The following VAT1L variants were observed in gnomAD, a reference collection of about 807,000 sequenced individuals.
VAT1L encodes vesicle amine transport 1 like, also known as putative NADPH-dependent quinone oxidoreductase VAT1L.
A neutral mutation model predicts 44.1 loss-of-function variants in VAT1L; 34 were observed. That is an observed-to-expected ratio of 0.77 (90% CI 0.59 to 1.03). The LOEUF is 1.03. Ranked by LOEUF, VAT1L falls within the 50% of genes least tolerant of loss-of-function variation. VAT1L has a pLI of 0.00. For missense variants in VAT1L, 615 were observed against 538.8 expected (o/e 1.14, Z -1.40); for synonymous variants, 253 against 202.2 (o/e 1.25, Z -2.13).
intron 7 of VAT1L, among the ~76,000 whole-genome samples, chr16:77,961,437 G>C (rs2018159172): frequency 6.6e-6 from 1 of 152,020 alleles, no homozygotes; most frequent in Admixed American, 6.6e-5. Context: ...CAGATCCCTG[G>C]GCCTGTTCCA....
intron 7 of VAT1L, among the ~76,000 whole-genome samples, chr16:77,927,804 G>A (rs953712855): frequency 1.3e-5 from 2 of 152,100 alleles, no homozygotes; most frequent in African/African-American, 4.8e-5. Flanking sequence ...GGGAGGTGGA[G>A]GTTACAGTGA....
At chr16:77,975,822 C>A (rs1466810808) in intron 8 of VAT1L, among the ~76,000 whole-genome samples, 1 of 152,222 alleles carries the variant, frequency 6.6e-6, no homozygotes, top group East Asian at 1.9e-4. Flanking sequence ...GCGGGCAGCC[C>A]TGCCCCAGTC....
At chr16:77,922,802 G>T (rs1272331750) in intron 7 of VAT1L, among the ~76,000 whole-genome samples, 4 of 152,152 alleles carry the variant, frequency 2.6e-5, no homozygotes, top group Admixed American at 2.0e-4. Flanking sequence ...ATGGAGCCAG[G>T]ATTTAAACCT....
chr16:77,829,069 T>G (rs570490172), intron 3 of VAT1L, among the ~76,000 whole-genome samples: 1 of 152,314 alleles, frequency 6.6e-6, no homozygotes, highest in East Asian at 1.9e-4. Context: ...AGTAGCGAAT[T>G]GCAGAACTAC....
chr16:77,932,344 A>T (rs1052113977), intron 7 of VAT1L, among the ~76,000 whole-genome samples: 1 of 152,058 alleles, frequency 6.6e-6, no homozygotes, highest in East Asian at 1.9e-4. Context: ...TGACCTCATG[A>T]TCCTCCCGCC....
At chr16:77,965,322 T>C (rs775538775) in intron 7 of VAT1L, among the ~76,000 whole-genome samples, 1 of 152,208 alleles carries the variant, frequency 6.6e-6, no homozygotes, top group Non-Finnish European at 1.5e-5. Context: ...GTTGTTAGAA[T>C]GATATTACCA....
chr16:77,890,191 G>T (rs1252991304), intron 7 of VAT1L, among the ~76,000 whole-genome samples: 1 of 152,040 alleles, frequency 6.6e-6, no homozygotes, highest in East Asian at 1.9e-4. Context: ...TGACACTGGA[G>T]TTACCAGAAA....
intron 1 of VAT1L, among the ~76,000 whole-genome samples, chr16:77,813,738 G>A (rs1411943240): frequency 1.3e-5 from 2 of 152,134 alleles, no homozygotes; most frequent in African/African-American, 4.8e-5. Context: ...TTCTCTTGAT[G>A]TGTGTTTCCC....
Position 77,879,490 on chromosome 16 carries a change from C to T in VAT1L, c.882+266C>T, listed in dbSNP as rs554135316. 2.1e-4 allele frequency among the ~76,000 whole-genome samples: 32 copies of T among 152,244 alleles called. No individual in the cohort carries two copies. The highest frequency in any genetic ancestry group is 3.4e-4 in the African/African-American group (14 of 41,558). On this transcript the variant is annotated intron_variant, in intron 6 of 8. Coordinates refer to ENST00000302536, the MANE Select transcript of VAT1L (RefSeq NM_020927.3). The surrounding 1 kb of genome is among the most constrained non-coding windows in gnomAD (Gnocchi z 4.1). The stretch of plus-strand genomic sequence containing the variant: ...ATTTGTAGTAGAGACGGGGTTTCAC[C>T]GTGTTGGCCAGGATGGTCTCAATCT...
intron 7 of VAT1L, among the ~76,000 whole-genome samples, chr16:77,916,770 A>T (rs2017556361): frequency 6.6e-6 from 1 of 150,494 alleles, no homozygotes. Context: ...TCCTACAGGG[A>T]GCCTCCTTAT....
At chr16:77,804,475 G>T (rs1293182839) in intron 1 of VAT1L, among the ~76,000 whole-genome samples, 1 of 152,104 alleles carries the variant, frequency 6.6e-6, no homozygotes, top group African/African-American at 2.4e-5. Flanking sequence ...TACTACTGAG[G>T]TGTGTTTTGA....
intron 7 of VAT1L, among the ~76,000 whole-genome samples, chr16:77,966,752 G>A (rs591738): frequency 0.98 from 149,077 of 152,230 alleles, 73,067 homozygotes; most frequent in Middle Eastern, 1. Flanking sequence ...CTTTTTTATG[G>A]TGATTAAGTC....
In VAT1L at chr16:77,884,600, C is replaced by G. The variant is rs1432720046; in HGVS notation, c.883-8C>G. 3 of 1,612,046 alleles carry G rather than the reference C, an allele frequency of 1.9e-6. No individual in the cohort carries two copies. The Middle Eastern group carries it at 5.2e-4, about 277-fold the overall frequency. ...GTTCCTATAACCCAATACCACCTCTCTTTGCAGTGGTGGCAGGTGGAGAAG... is the reference window on the plus strand; with the variant it reads ...GTTCCTATAACCCAATACCACCTCTGTTTGCAGTGGTGGCAGGTGGAGAAG... On this transcript the variant is annotated splice_region_variant and splice_polypyrimidine_tract_variant and intron_variant, in intron 6 of 8. Coordinates refer to ENST00000302536, the MANE Select transcript of VAT1L (RefSeq NM_020927.3). This position sits in a 1 kb window ranked among gnomAD's most constrained non-coding sequence, Gnocchi z 4.5.
intron 4 of VAT1L, among the ~76,000 whole-genome samples, chr16:77,871,197 CT>C (rs1434945828): frequency 6.6e-6 from 1 of 152,164 alleles, no homozygotes; most frequent in Non-Finnish European, 1.5e-5. Context: ...CTCTGCCCAA[CT>C]TCTCCCCCTC....
rs1373281105 is a variant in VAT1L at position 77,957,747 on chromosome 16, A to G, written c.1078-14103A>G. ...TCAAAAAAATAAAATAAATAAAACA[A>G]TTATATATAATTATAATTATATTAA... On this transcript the variant is annotated intron_variant, in intron 7 of 8. Transcript: ENST00000302536. Among the ~76,000 whole-genome samples the G allele has an allele frequency of 2.0e-5, 3 of 148,720 alleles. No individual in the cohort carries two copies. The East Asian group carries it at 5.8e-4, about 29-fold the overall frequency.
chr16:77,979,734 C>G lies in VAT1L; in HGVS notation c.*2039C>G, dbSNP rs2018379819. The G allele has an allele frequency of 6.6e-6, 1 of 152,616 alleles. No individual in the cohort carries two copies. Among genetic ancestry groups the G allele is most frequent in the Admixed American group, 6.5e-5 (1 of 15,286 alleles). 9.5% of individuals were successfully genotyped at this position (152,616 alleles called of 1,614,324 possible). Reference sequence around the variant, plus strand: ...GTTTTATTTAACTAGCAAAGTTAATCCAGTAATCGCAAATTACTCCAGATG... The same window carrying G: ...GTTTTATTTAACTAGCAAAGTTAATGCAGTAATCGCAAATTACTCCAGATG... On this transcript the variant is annotated 3_prime_UTR_variant, in exon 9 of 9. Transcript: ENST00000302536.
At chr16:77,836,397 G>C (rs2016639301) in intron 3 of VAT1L, among the ~76,000 whole-genome samples, 1 of 152,088 alleles carries the variant, frequency 6.6e-6, no homozygotes, top group South Asian at 2.1e-4. Flanking sequence ...AATTTAAAGA[G>C]AACTAAATGG....
At chr16:77,790,436 G>A (rs1407366855) in intron 1 of VAT1L, among the ~76,000 whole-genome samples, 1 of 152,126 alleles carries the variant, frequency 6.6e-6, no homozygotes, top group African/African-American at 2.4e-5. Context: ...TTGGCCCACT[G>A]CACATCCTAA....
At chr16:77,880,344 G>C (rs1019510558) in intron 6 of VAT1L, among the ~76,000 whole-genome samples, 4 of 152,038 alleles carry the variant, frequency 2.6e-5, no homozygotes, top group Non-Finnish European at 1.5e-5. Context: ...TATTTTGGTA[G>C]AGACAAGGTT....
Sources: gnomAD v4.1 joint callset for allele counts (sites outside exome capture counted in the v4.1 genomes callset) on GRCh38, gnomAD v4.1.1 for gene constraint, Gnocchi (gnomAD v3.1) non-coding constraint, MANE v1.5 for transcripts, NCBI Gene and HGNC (gene_info 2026-07-23, HGNC 2026-07-21) for gene names.